Variants in AKAP6 observed in about 807,000 individuals in gnomAD.
AKAP6 encodes A-kinase anchor protein 6.
In AKAP6, 58 loss-of-function variants were observed where a neutral mutation model predicts 188.5. That is an observed-to-expected ratio of 0.31 (90% confidence interval 0.25 to 0.38). The LOEUF (loss-of-function observed/expected upper bound fraction) is 0.38, where lower values mean the gene tolerates loss of function less well. Ranked by LOEUF, AKAP6 falls within the 10% of genes least tolerant of loss-of-function variation. The pLI, the probability that AKAP6 is intolerant of heterozygous loss-of-function variation, is 1.00. For missense variants in AKAP6, 2,710 were observed against 2,740.0 expected, an observed-to-expected ratio of 0.99 and a Z score of 0.24; for synonymous variants, 989 against 998.6, an observed-to-expected ratio of 0.99 and a Z score of 0.18.
At position 32,773,789 on chromosome 14, in the gene AKAP6, C is replaced by T; in HGVS notation, c.3484C>T (p.Pro1162Ser). 2.5e-6 allele frequency: 4 copies of T among 1,614,106 alleles called. No homozygotes were observed. The South Asian group carries it at 4.4e-5, about 18-fold the overall frequency. ...ETCNLNADHQ[P>S]MQLIIVNLER... ...TTGCAATCTGAATGCAGACCACCAG[C>T]CCATGCAGCTGATCATTGTAAATCT... The change falls in exon 12 of 14, where the codon CCC becomes TCC. Residue 1162 changes from proline (P) to serine (S), a missense_variant. Around this residue, in one of 2 missense-constraint regions of AKAP6, gnomAD observed 2,473 missense variants for 2,426.1 expected, o/e 1.02. Transcript: ENST00000280979.
intron 1 of AKAP6, among the ~76,000 whole-genome samples, chr14:32,362,609 A>G (rs1887699867): frequency 6.6e-6 from 1 of 152,162 alleles, no homozygotes; most frequent in African/African-American, 2.4e-5. Flanking sequence ...AAAGGTGTGG[A>G]AGCATGAGCA....
chr14:32,529,091 G>A (rs1183438883), intron 2 of AKAP6, among the ~76,000 whole-genome samples: 1 of 152,148 alleles, frequency 6.6e-6, no homozygotes, highest in Non-Finnish European at 1.5e-5. Context: ...ATAATATTGA[G>A]TCTTCCTATC....
At chr14:32,742,243 AT>A (rs1476118830) in intron 11 of AKAP6, among the ~76,000 whole-genome samples, 1 of 151,588 alleles carries the variant, frequency 6.6e-6, no homozygotes, top group African/African-American at 2.4e-5. Flanking sequence ...TTATGATTTT[AT>A]TTATTTGGAT....
intron 2 of AKAP6, among the ~76,000 whole-genome samples, chr14:32,482,067 C>T (rs1226188003): frequency 6.6e-6 from 1 of 152,096 alleles, no homozygotes; most frequent in African/African-American, 2.4e-5. Context: ...TGTATTATAG[C>T]ACAACTTTCC....
At chr14:32,685,159 G>A (rs542137038) in intron 8 of AKAP6, among the ~76,000 whole-genome samples, 5 of 152,248 alleles carry the variant, frequency 3.3e-5, no homozygotes, top group African/African-American at 1.2e-4. Context: ...AGCCACCTAG[G>A]AGGTTGAGGC....
chr14:32,575,656 C>T (rs761774748), intron 4 of AKAP6, among the ~76,000 whole-genome samples: 1 of 152,086 alleles, frequency 6.6e-6, no homozygotes, highest in Non-Finnish European at 1.5e-5. Flanking sequence ...AATGAGAAAT[C>T]TTGCATTTGT....
In AKAP6 at chr14:32,823,325, A is replaced by G. The variant is rs1435947329; in HGVS notation, c.5512A>G (p.Asn1838Asp). 3.1e-6 allele frequency: 5 copies of G among 1,613,778 alleles called. No homozygotes were observed. Among genetic ancestry groups the G allele is most frequent in the African/African-American group, 1.3e-5 (1 of 74,876 alleles). ...AGATATAAGTAGCAGTGAGATGACCAATCCCTCTGATACTCTGAATATTGA... is the reference window on the plus strand; with the variant it reads ...AGATATAAGTAGCAGTGAGATGACCGATCCCTCTGATACTCTGAATATTGA... ...SKDISSSEMT[N>D]PSDTLNIETL... The change falls in exon 13 of 14, where the codon AAT (asparagine) becomes GAT (aspartate). Residue 1838 changes from asparagine to aspartate, a missense_variant. Around this residue, in one of 2 missense-constraint regions of AKAP6, gnomAD observed 2,473 missense variants for 2,426.1 expected, o/e 1.02. Coordinates refer to ENST00000280979, the MANE Select transcript of AKAP6 (RefSeq NM_004274.5).
intron 1 of AKAP6, among the ~76,000 whole-genome samples, chr14:32,405,251 C>T (rs1889248615): frequency 6.6e-6 from 1 of 152,224 alleles, no homozygotes; most frequent in Admixed American, 6.5e-5. Context: ...CACCCAAGTG[C>T]TTCCATTTAT....
intron 4 of AKAP6, among the ~76,000 whole-genome samples, chr14:32,564,779 C>A (rs749305055): frequency 6.6e-6 from 1 of 152,208 alleles, no homozygotes; most frequent in Non-Finnish European, 1.5e-5. Context: ...TTAGAACATC[C>A]TGTCTCCTGG....
chr14:32,674,167 T>C (rs1357923490), intron 7 of AKAP6, among the ~76,000 whole-genome samples: 5 of 152,146 alleles, frequency 3.3e-5, no homozygotes, highest in East Asian at 1.9e-4. Context: ...ATGTTTAAAG[T>C]GTTGAAATAA....
At chr14:32,807,744 T>C (rs764957910) in intron 12 of AKAP6, among the ~76,000 whole-genome samples, 1 of 152,226 alleles carries the variant, frequency 6.6e-6, no homozygotes, top group African/African-American at 2.4e-5. Context: ...TCAAATACTA[T>C]AGAAAAGAAG....
chr14:32,464,915 T>C (rs79568358), intron 2 of AKAP6, among the ~76,000 whole-genome samples: 7,833 of 152,248 alleles, frequency 0.051, 546 homozygotes, highest in East Asian at 0.2. Flanking sequence ...ACAAAATCAA[T>C]GTGCAAAATC....
chr14:32,416,007 G>T (rs1190795842), intron 1 of AKAP6, among the ~76,000 whole-genome samples: 1 of 152,108 alleles, frequency 6.6e-6, no homozygotes. Context: ...TTATGAAGAT[G>T]GGGGTACAAA....
At chr14:32,805,089 G>A (rs2034054669) in intron 12 of AKAP6, among the ~76,000 whole-genome samples, 2 of 152,236 alleles carry the variant, frequency 1.3e-5, no homozygotes, top group Admixed American at 1.3e-4. Context: ...TGGTCCTGAG[G>A]TGTACATCCT....
intron 1 of AKAP6, among the ~76,000 whole-genome samples, chr14:32,380,286 GT>G (rs1888308578): frequency 1.3e-5 from 2 of 152,156 alleles, no homozygotes; most frequent in Non-Finnish European, 2.9e-5. Flanking sequence ...CCTTTTCTGA[GT>G]TCCCACCGGC....
chr14:32,573,748 G>A (rs150418582), intron 4 of AKAP6, among the ~76,000 whole-genome samples: 14 of 151,940 alleles, frequency 9.2e-5, no homozygotes, highest in East Asian at 3.9e-4. Context: ...TTCCATTTTC[G>A]TATGTCATCC....
At chr14:32,773,960 C>G (rs768040809) in intron 12 of AKAP6, 67 bp downstream of exon 12, 5 of 1,497,596 alleles carry the variant, frequency 3.3e-6, no homozygotes, top group Non-Finnish European at 4.6e-6. Flanking sequence ...TTCTTTCAGG[C>G]TTGGAAACGG....
intron 12 of AKAP6, among the ~76,000 whole-genome samples, chr14:32,807,325 CAA>C (rs10707499): frequency 9.8e-4 from 103 of 105,160 alleles, no homozygotes; most frequent in African/African-American, 1.1e-3. Flanking sequence ...GACCATGTCT[CAA>C]AAAAAAAAAA....
chr14:32,585,868 G>A (rs1430893860), intron 5 of AKAP6, among the ~76,000 whole-genome samples: 5 of 152,166 alleles, frequency 3.3e-5, no homozygotes, highest in Non-Finnish European at 7.4e-5. Flanking sequence ...GGTATGGTGA[G>A]CCATGTGGTG....
Sources: gnomAD v4.1 joint callset for allele counts (sites outside exome capture counted in the v4.1 genomes callset) on GRCh38, gnomAD v4.1.1 for gene constraint, gnomAD v4.1.1 regional missense constraint, MANE v1.5 for transcripts, NCBI Gene and HGNC (gene_info 2026-07-23, HGNC 2026-07-21) for gene names.